Variants in PCNX1 observed in about 807,000 individuals in gnomAD.
PCNX1 encodes the protein pecanex 1.
Under a neutral mutation model 242.2 loss-of-function variants are expected in PCNX1, and 78 were observed. The ratio of observed to expected loss-of-function variants is 0.32; its 90% CI spans 0.27 to 0.39. The LOEUF is 0.39. Among genes scored for constraint, PCNX1 ranks in the 10% least tolerant of loss-of-function variants. The pLI is 1.00. For missense variants in PCNX1, 2,581 were observed against 2,856.5 expected, an observed-to-expected ratio of 0.90 and a Z score of 2.20; for synonymous variants, 1,024 against 1,032.9, an observed-to-expected ratio of 0.99 and a Z score of 0.17.
At chr14:71,093,641 A>T (rs1423717654) in intron 30 of PCNX1, 1 of 152,242 alleles carries the variant, frequency 6.6e-6, no homozygotes, top group Non-Finnish European at 1.5e-5. Context: ...TTCTTAAAGA[A>T]ATGAAAAAGG....
chr14:70,942,726 T>G (rs1036114139), intron 1 of PCNX1: 1 of 152,256 alleles, frequency 6.6e-6, no homozygotes, highest in African/African-American at 2.4e-5. Flanking sequence ...ATCATGAAGC[T>G]CCTGAGTCCA....
rs187041200 is a variant in PCNX1 at position 70,962,960 on chromosome 14, T to C, written c.468+629T>C. On this transcript the variant is annotated intron_variant, in intron 3 of 35. Transcript: ENST00000304743. Reference sequence around the variant, plus strand: ...GTAGAGTAAAATTCTATGAACTTTGTTGGAAACGTTCATGGTCTTCTCTTA... The same window carrying C: ...GTAGAGTAAAATTCTATGAACTTTGCTGGAAACGTTCATGGTCTTCTCTTA... 2.7e-4 allele frequency among the ~76,000 whole-genome samples: 41 copies of C among 152,332 alleles called. No individual in the cohort carries two copies. The East Asian group carries it at 7.3e-3, about 27-fold the overall frequency.
intron 33 of PCNX1, among the ~76,000 whole-genome samples, chr14:71,106,061 T>C (rs2062609643): frequency 6.6e-6 from 1 of 152,086 alleles, no homozygotes; most frequent in Non-Finnish European, 1.5e-5. Flanking sequence ...TTGCTCAGGC[T>C]GGAGTGCAGT....
At chr14:70,958,989 T>C (rs1263810854) in intron 2 of PCNX1, among the ~76,000 whole-genome samples, 1 of 120,678 alleles carries the variant, frequency 8.3e-6, no homozygotes, top group African/African-American at 3.1e-5. Context: ...GTCCAACACA[T>C]ATATTGTAAC....
chr14:70,998,274 G>T (rs773574748), intron 8 of PCNX1, among the ~76,000 whole-genome samples: 35 of 151,692 alleles, frequency 2.3e-4, no homozygotes, highest in Admixed American at 2.2e-3. Flanking sequence ...TATTTCTCTG[G>T]CATTTTAAGG....
intron 16 of PCNX1, chr14:71,031,872 C>G: frequency 6.9e-7 from 1 of 1,457,720 alleles, no homozygotes; most frequent in African/African-American, 1.4e-5. Context: ...TCAGCACTTT[C>G]ACAGCACGAG....
intron 30 of PCNX1, among the ~76,000 whole-genome samples, chr14:71,090,481 A>C (rs779681655): frequency 1.3e-5 from 2 of 152,236 alleles, no homozygotes; most frequent in Non-Finnish European, 2.9e-5. Context: ...CACATTCTTT[A>C]GGAACATGAC....
At chr14:71,079,080 A>G (rs1009056861) in intron 28 of PCNX1, among the ~76,000 whole-genome samples, 10 of 152,098 alleles carry the variant, frequency 6.6e-5, no homozygotes, top group Admixed American at 5.9e-4. Flanking sequence ...ACTCCCACTT[A>G]TGAGTGAGAA....
At chr14:71,089,976 G>A (rs960934852) in intron 30 of PCNX1, among the ~76,000 whole-genome samples, 2 of 152,102 alleles carry the variant, frequency 1.3e-5, no homozygotes, top group Admixed American at 1.3e-4. Flanking sequence ...TTATTTACAA[G>A]CTGTAAGTAA....
intron 28 of PCNX1, among the ~76,000 whole-genome samples, chr14:71,079,529 TTG>T (rs1260747390): frequency 6.6e-6 from 1 of 152,178 alleles, no homozygotes; most frequent in African/African-American, 2.4e-5. Context: ...TCGCCTGACT[TTG>T]TAACTTTTTT....
chr14:70,971,816 A>G (rs899534054), intron 5 of PCNX1, among the ~76,000 whole-genome samples: 1 of 152,210 alleles, frequency 6.6e-6, no homozygotes, highest in Non-Finnish European at 1.5e-5. Context: ...GCAAAGCCCT[A>G]AAGCAAGAGC....
intron 28 of PCNX1, among the ~76,000 whole-genome samples, chr14:71,078,219 T>C (rs2061765109): frequency 6.6e-6 from 1 of 152,352 alleles, no homozygotes; most frequent in Non-Finnish European, 1.5e-5. Flanking sequence ...CTAGTTTCTC[T>C]TTTAAGTTGA....
chr14:71,012,860 A>T (rs1312897807), intron 10 of PCNX1, 125 bp from the exon 11 acceptor site: 4 of 701,528 alleles, frequency 5.7e-6, no homozygotes, highest in African/African-American at 1.8e-5. Context: ...AAGAAAATTA[A>T]AGGGCTTAGA....
chr14:71,067,254 G>C (rs1029530914), intron 26 of PCNX1, among the ~76,000 whole-genome samples: 2 of 151,962 alleles, frequency 1.3e-5, no homozygotes, highest in African/African-American at 4.8e-5. Flanking sequence ...GACTCTCTTT[G>C]GTTGGTAGGC....
At chr14:71,053,662 T>C (rs960337048) in intron 24 of PCNX1, among the ~76,000 whole-genome samples, 8 of 152,114 alleles carry the variant, frequency 5.3e-5, no homozygotes, top group African/African-American at 1.9e-4. Flanking sequence ...TTTAAAAATA[T>C]GGATTTTATC....
chr14:71,040,010 CTA>C (rs1275734662), intron 19 of PCNX1, among the ~76,000 whole-genome samples: 2 of 152,098 alleles, frequency 1.3e-5, no homozygotes, highest in Admixed American at 1.3e-4. Context: ...TGAAGTCTCA[CTA>C]TGTTGCCCAG....
intron 28 of PCNX1, among the ~76,000 whole-genome samples, chr14:71,078,979 T>C (rs1313681987): frequency 6.6e-6 from 1 of 152,162 alleles, no homozygotes; most frequent in Non-Finnish European, 1.5e-5. Flanking sequence ...TAGGTATTTC[T>C]CCTAAGCTAT....
At chr14:70,926,236 A>G (rs1252448735) in intron 1 of PCNX1, among the ~76,000 whole-genome samples, 1 of 152,192 alleles carries the variant, frequency 6.6e-6, no homozygotes, top group Non-Finnish European at 1.5e-5. Context: ...CACACATTAT[A>G]AATGGATTTC....
chr14:70,949,274 C>CAT (rs2057653753), intron 2 of PCNX1, among the ~76,000 whole-genome samples: 5 of 29,098 alleles, frequency 1.7e-4, no homozygotes, highest in Admixed American at 2.5e-4. Flanking sequence ...TGTATGCACA[C>CAT]ACGTGTATAC....
Sources: allele counts gnomAD v4.1 joint callset (sites outside exome capture counted in the v4.1 genomes callset), GRCh38; gene constraint gnomAD v4.1.1; transcripts MANE v1.5; gene names NCBI Gene and HGNC (gene_info 2026-07-23, HGNC 2026-07-21).